The following LRP6 variants were observed in gnomAD, a reference collection of about 807,000 sequenced individuals.
LRP6 encodes the protein low-density lipoprotein receptor-related protein 6.
LRP6 carries 43 observed loss-of-function variants against 184.1 expected under a neutral mutation model. The observed-to-expected ratio is 0.23, with a 90% CI of 0.18 to 0.30. LRP6 has a LOEUF of 0.30. Among genes scored for constraint, LRP6 ranks in the 10% least tolerant of loss-of-function variants. The probability of loss-of-function intolerance (pLI) is 1.00; values close to 1 mark genes in which losing one functional copy is unlikely to be tolerated. For synonymous variants in LRP6, 719 were observed against 684.9 expected, an observed-to-expected ratio of 1.05 and a Z score of -0.78; for missense variants, 1,571 against 2,005.3, an observed-to-expected ratio of 0.78 and a Z score of 4.14.
Position 12,184,109 on chromosome 12 carries a change from T to C in LRP6, c.847A>G (p.Thr283Ala), listed in dbSNP as rs1863411059. 6.2e-7 allele frequency: 1 copy of C among 1,613,184 alleles called. No individual in the cohort carries two copies. Among genetic ancestry groups the C allele is most frequent in the Non-Finnish European group, 8.5e-7 (1 of 1,179,204 alleles). Residue 283 changes from threonine to alanine, a missense_variant and splice_region_variant, in exon 5 of 23, where the codon ACA becomes GCA. By Grantham distance (58) the Thr-to-Ala change is moderately conservative. Transcript: ENST00000261349. ...CCATTGTCAATTCCACATGGATTTG[T>C]GGCTGTCAAATATAAATCACATTGA... The part of the protein sequence containing the change: ...AFSQQRQPNA[T>A]NPCGIDNGGC...
intron 15 of LRP6, among the ~76,000 whole-genome samples, chr12:12,144,043 T>C (rs1404939074): frequency 6.6e-6 from 1 of 152,224 alleles, no homozygotes; most frequent in Non-Finnish European, 1.5e-5. Flanking sequence ...ATTAATAAAC[T>C]GTACTACATT....
Position 12,216,429 on chromosome 12 carries a change from A to G in LRP6, c.450-13029T>C, listed in dbSNP as rs1864345804. On this transcript the variant is annotated intron_variant, in intron 2 of 22. Transcript: ENST00000261349. ...TGAAAAATATGAGGGCCTGAAAACAATGTAAATAGTATTTGAGAAGAGAAG... is the reference window on the plus strand; with the variant it reads ...TGAAAAATATGAGGGCCTGAAAACAGTGTAAATAGTATTTGAGAAGAGAAG... Among the ~76,000 whole-genome samples the G allele has an allele frequency of 2.0e-5, 3 of 152,186 alleles. 1 individual carries two copies. Among genetic ancestry groups the G allele is most frequent in the Admixed American group, 2.0e-4 (3 of 15,276 alleles).
intron 18 of LRP6, among the ~76,000 whole-genome samples, chr12:12,131,521 A>G (rs973895506): frequency 6.6e-6 from 1 of 152,192 alleles, no homozygotes; most frequent in East Asian, 1.9e-4. Context: ...AATATGTTAG[A>G]GCGTAATTAA....
intron 2 of LRP6, among the ~76,000 whole-genome samples, chr12:12,206,848 A>T (rs1290610592): frequency 6.6e-6 from 1 of 152,126 alleles, no homozygotes; most frequent in Non-Finnish European, 1.5e-5. Context: ...GGAAAAAACT[A>T]GAGGAAAACT....
At chr12:12,219,308 C>T (rs1864426711) in intron 2 of LRP6, among the ~76,000 whole-genome samples, 1 of 152,146 alleles carries the variant, frequency 6.6e-6, no homozygotes, top group South Asian at 2.1e-4. Flanking sequence ...GGGGTTCAAA[C>T]GATTCTCCTG....
At chr12:12,196,634 T>C (rs1472195909) in intron 3 of LRP6, among the ~76,000 whole-genome samples, 1 of 152,072 alleles carries the variant, frequency 6.6e-6, no homozygotes, top group Non-Finnish European at 1.5e-5. Context: ...TTCCTGTCTG[T>C]CTCTTCCTTA....
Position 12,155,719 on chromosome 12 carries a change from A to C in LRP6, c.2791+3110T>G, listed in dbSNP as rs1024849104. ...CAGAGAAGCATATTTTGTGAGAACC[A>C]GTGGGAAGGAGCCTGAGCTGCTGGA... On this transcript the variant is annotated intron_variant, in intron 12 of 22. Coordinates refer to ENST00000261349, the MANE Select transcript of LRP6 (RefSeq NM_002336.3). 1.6e-5 allele frequency: 17 copies of C among 1,031,358 alleles called. No homozygotes were observed. The South Asian group carries it at 1.8e-4, about 11-fold the overall frequency. The allele number at this position is 1,031,358 out of a possible 1,614,324, so 63.9% of individuals were successfully genotyped here.
intron 1 of LRP6, among the ~76,000 whole-genome samples, chr12:12,260,898 T>A (rs765447411): frequency 5.3e-5 from 8 of 152,204 alleles, no homozygotes; most frequent in Non-Finnish European, 1.0e-4. Flanking sequence ...CTCAGAGTAG[T>A]TACCCATGGC....
intron 1 of LRP6, chr12:12,249,254 A>G (rs1011249247): frequency 5.3e-6 from 5 of 937,744 alleles, no homozygotes; most frequent in Non-Finnish European, 6.9e-6. Context: ...CAAAAAATTA[A>G]TATGAATGGA....
At chr12:12,145,801 T>C (rs1342772509) in intron 15 of LRP6, among the ~76,000 whole-genome samples, 1 of 151,730 alleles carries the variant, frequency 6.6e-6, no homozygotes, top group Non-Finnish European at 1.5e-5. Flanking sequence ...TTGGCTATTT[T>C]CTGTATTTTT....
chr12:12,214,918 A>G (rs1211891190), intron 2 of LRP6, among the ~76,000 whole-genome samples: 1 of 152,232 alleles, frequency 6.6e-6, no homozygotes, highest in Non-Finnish European at 1.5e-5. Flanking sequence ...CAGACAGACA[A>G]TAAGATGCTA....
At chr12:12,137,960 C>A (rs918005157) in intron 16 of LRP6, among the ~76,000 whole-genome samples, 1 of 150,904 alleles carries the variant, frequency 6.6e-6, no homozygotes, top group African/African-American at 2.4e-5. Context: ...GTCAGAAGTT[C>A]GAGATCAGCC....
At position 12,230,810 on chromosome 12, in the gene LRP6, T is replaced by C. The variant is rs550597058; in HGVS notation, c.449+13452A>G. Among the ~76,000 whole-genome samples the C allele has an allele frequency of 2.6e-5, 4 of 152,202 alleles. No homozygotes were observed. In the East Asian group the frequency reaches 5.8e-4, roughly 22 times the overall value. On this transcript the variant is annotated intron_variant, in intron 2 of 22. Transcript: ENST00000261349. The stretch of plus-strand genomic sequence containing the variant: ...TTGTACATATACACAAAATAAAATA[T>C]ACAAACACCCCTTTAAATGTAGAAC...
chr12:12,262,234 C>T (rs553033218), intron 1 of LRP6, among the ~76,000 whole-genome samples: 1 of 152,168 alleles, frequency 6.6e-6, no homozygotes, highest in East Asian at 1.9e-4. Flanking sequence ...TAAAAATTAT[C>T]CGGGCATGGT....
chr12:12,262,557 C>CAAAA (rs57218812), intron 1 of LRP6, among the ~76,000 whole-genome samples: 274 of 74,478 alleles, frequency 3.7e-3, no homozygotes, highest in African/African-American at 0.013. Flanking sequence ...GACTCCGTCT[C>CAAAA]AAAAAAAAAA....
chr12:12,262,057 A>G (rs1865629355), intron 1 of LRP6, among the ~76,000 whole-genome samples: 1 of 152,196 alleles, frequency 6.6e-6, no homozygotes, highest in Non-Finnish European at 1.5e-5. Flanking sequence ...AGCCTGACCA[A>G]TATGGTGAAA....
chr12:12,249,541 G>A, intron 1 of LRP6: 1 of 540,402 alleles, frequency 1.9e-6, no homozygotes, highest in Non-Finnish European at 3.3e-6. Flanking sequence ...TTCCACAGCA[G>A]CAAATTTTCT....
At chr12:12,202,247 C>T (rs916117997) in intron 3 of LRP6, among the ~76,000 whole-genome samples, 8 of 152,204 alleles carry the variant, frequency 5.3e-5, no homozygotes, top group African/African-American at 1.9e-4. Flanking sequence ...TTCTGCTTTA[C>T]AAATAAAGTT....
intron 16 of LRP6, among the ~76,000 whole-genome samples, chr12:12,137,145 T>C (rs1166643534): frequency 6.6e-6 from 1 of 152,220 alleles, no homozygotes; most frequent in Non-Finnish European, 1.5e-5. Flanking sequence ...TGTTTCTTCA[T>C]TCTCCTTTCA....
Sources: allele counts gnomAD v4.1 joint callset (sites outside exome capture counted in the v4.1 genomes callset), GRCh38; gene constraint gnomAD v4.1.1; transcripts MANE v1.5; gene names NCBI Gene and HGNC (gene_info 2026-07-23, HGNC 2026-07-21).